The following MX1 variants were observed in gnomAD, a reference collection of about 807,000 sequenced individuals.
MX1 encodes the protein MX dynamin like GTPase 1.
In MX1, 66 loss-of-function variants were observed where a neutral mutation model predicts 66.4. The ratio of observed to expected loss-of-function variants is 0.99; its 90% CI spans 0.82 to 1.22. The LOEUF (loss-of-function observed/expected upper bound fraction) is 1.22, where lower values mean the gene tolerates loss of function less well. Among genes scored for constraint, MX1 ranks in the 50% most tolerant of loss-of-function variants. The pLI, the probability that MX1 is intolerant of heterozygous loss-of-function variation, is 0.00. For missense variants in MX1, 787 were observed against 834.3 expected (o/e 0.94, Z 0.70); for synonymous variants, 311 against 318.1 (o/e 0.98, Z 0.24).
intron 11 of MX1, among the ~76,000 whole-genome samples, chr21:41,444,318 C>CTTTTTTTT (rs11317486): frequency 3.9e-4 from 28 of 71,536 alleles, no homozygotes; most frequent in Admixed American, 6.0e-4. Flanking sequence ...TCTTTTCTTT[C>CTTTTTTTT]TTTTTTTTTT....
chr21:41,446,349 A>G (rs1352593709), intron 13 of MX1, among the ~76,000 whole-genome samples: 2 of 152,182 alleles, frequency 1.3e-5, no homozygotes, highest in African/African-American at 4.8e-5. Flanking sequence ...TAAGGGACGA[A>G]CAAGCTTCCT....
chr21:41,422,596 G>A (rs553363298), upstream of MX1, among the ~76,000 whole-genome samples: 68 of 152,238 alleles, frequency 4.5e-4, no homozygotes, highest in African/African-American at 1.6e-3. Context: ...GAAGTTGCCT[G>A]GAAGAAGAGA....
chr21:41,455,363 A>G (rs1468374132), intron 16 of MX1, among the ~76,000 whole-genome samples: 1 of 152,236 alleles, frequency 6.6e-6, no homozygotes, highest in Non-Finnish European at 1.5e-5. Context: ...GAAGACAGGC[A>G]TGCACATCAG....
chr21:41,456,948 G>A (rs1442078664), intron 16 of MX1, among the ~76,000 whole-genome samples: 1 of 152,182 alleles, frequency 6.6e-6, no homozygotes, highest in Non-Finnish European at 1.5e-5. Flanking sequence ...TTTCAGTAGA[G>A]ACGGGGTTTC....
At chr21:41,449,397 C>T (rs1373763676) in intron 14 of MX1, 102 bp downstream of exon 14, 1 of 1,220,404 alleles carries the variant, frequency 8.2e-7, no homozygotes, top group African/African-American at 1.5e-5. Flanking sequence ...GGGGTGCATC[C>T]CACACCAACG....
rs368326119 is a variant in MX1, at chr21:41,441,900, C to A, written c.915C>A (p.Asn305Lys). Residue 305 changes from asparagine to lysine, a missense_variant, in exon 10 of 17, where the codon AAC (asparagine) becomes AAA (lysine). Physicochemically the swap from Asn to Lys is moderately conservative, Grantham distance 94 (BLOSUM62 0). Coordinates refer to ENST00000398598, the MANE Select transcript of MX1 (RefSeq NM_002462.5). The surrounding 1 kb of genome is among the most constrained non-coding windows in gnomAD (Gnocchi z 4.0). ...ALQREKIFFE[N>K]HPYFRDLLEE... The stretch of plus-strand genomic sequence containing the variant: ...AGAGAGAGAAGATCTTCTTTGAGAA[C>A]CACCCATATTTCAGGTGCGCTTGCC... The A allele has an allele frequency of 2.3e-5, 37 of 1,614,104 alleles. No individual in the cohort carries two copies. Among genetic ancestry groups the A allele is most frequent in the African/African-American group, 1.2e-4 (9 of 75,000 alleles).
At chr21:41,445,655 A>T (rs469288) in intron 12 of MX1, 85 bp downstream of exon 12, 2 of 1,565,532 alleles carry the variant, frequency 1.3e-6, no homozygotes, top group Non-Finnish European at 8.7e-7. Context: ...TTCCTTCTTC[A>T]CTCCCCCAAG....
Position 41,435,939 on chromosome 21 carries a change from C to T in MX1, c.208C>T (p.Leu70=). The part of the protein sequence containing the change: ...RALGVEQDLA[L]PAIAVIGDQS... Reference sequence around the variant, plus strand: ...TCTAGGTGTGGAGCAGGACCTGGCCCTGCCAGCCATCGCCGTCATCGGGGA... The same window carrying T: ...TCTAGGTGTGGAGCAGGACCTGGCCTTGCCAGCCATCGCCGTCATCGGGGA... Residue 70 remains leucine (L), a synonymous_variant, in exon 6 of 17, where the codon CTG becomes TTG. Transcript: ENST00000398598. The T allele has an allele frequency of 1.2e-6, 2 of 1,614,222 alleles. No homozygotes were observed. The highest frequency in any genetic ancestry group is 1.7e-6 in the Non-Finnish European group (2 of 1,180,026).
At chr21:41,439,908 T>TGGGGGGGGGGGGGGGGG in intron 8 of MX1, 60 bp downstream of exon 8, 1 of 885,994 alleles carries the variant, frequency 1.1e-6, no homozygotes, top group Non-Finnish European at 1.7e-6. Context: ...AGTGGAGGGG[T>TGGGGGGGGGGGGGGGGG]GGGAGGAGAA....
At chr21:41,456,277 CAAAA>C (rs2090956903) in intron 16 of MX1, among the ~76,000 whole-genome samples, 2 of 152,008 alleles carry the variant, frequency 1.3e-5, no homozygotes, top group African/African-American at 4.8e-5. Context: ...CAAAACAAAA[CAAAA>C]AACAGAAGGA....
At chr21:41,450,777 T>A (rs34955673) in intron 14 of MX1, among the ~76,000 whole-genome samples, 52,278 of 151,742 alleles carry the variant, frequency 0.34, 10,009 homozygotes, top group African/African-American at 0.51. Context: ...AATTTTTTAA[T>A]CTAAGAGCTT....
intron 13 of MX1, among the ~76,000 whole-genome samples, chr21:41,448,825 A>T (rs1266551144): frequency 6.6e-6 from 1 of 152,004 alleles, no homozygotes; most frequent in African/African-American, 2.4e-5. Flanking sequence ...AATGAAAAAA[A>T]AGGGTCTTAC....
chr21:41,428,417 A>T (rs1345460393), intron 3 of MX1: 1 of 152,286 alleles, frequency 6.6e-6, no homozygotes, highest in East Asian at 1.9e-4. Flanking sequence ...GAGGCTCTGG[A>T]GGCCAGCCCA....
chr21:41,452,955 A>T, intron 16 of MX1, 86 bp downstream of exon 16: 1 of 1,510,814 alleles, frequency 6.6e-7, no homozygotes, highest in Non-Finnish European at 8.9e-7. Context: ...CTCTCTCTGT[A>T]GGTGACGTTG....
intron 16 of MX1, among the ~76,000 whole-genome samples, chr21:41,456,074 T>C (rs1345933621): frequency 1.3e-5 from 2 of 152,154 alleles, no homozygotes; most frequent in Non-Finnish European, 2.9e-5. Flanking sequence ...AAACCCGGTC[T>C]CTACTAAAAA....
At chr21:41,434,516 G>A (rs1040738113) in intron 5 of MX1, among the ~76,000 whole-genome samples, 6 of 151,964 alleles carry the variant, frequency 3.9e-5, no homozygotes, top group African/African-American at 1.2e-4. Flanking sequence ...TCTGTTCTTC[G>A]TTCCCCCTTT....
intron 16 of MX1, among the ~76,000 whole-genome samples, chr21:41,456,968 G>A (rs1045801232): frequency 6.6e-6 from 1 of 152,132 alleles, no homozygotes; most frequent in Non-Finnish European, 1.5e-5. Context: ...CACCATATTG[G>A]CCAGGCTGGT....
chr21:41,448,498 C>T (rs1377408815), intron 13 of MX1, among the ~76,000 whole-genome samples: 6 of 152,134 alleles, frequency 3.9e-5, no homozygotes, highest in South Asian at 2.1e-4. Flanking sequence ...ACTTCATACT[C>T]GAGTACGTTT....
At chr21:41,456,195 G>C (rs1287122429) in intron 16 of MX1, among the ~76,000 whole-genome samples, 2 of 152,202 alleles carry the variant, frequency 1.3e-5, no homozygotes, top group Admixed American at 1.3e-4. Context: ...AGTGAGCCAA[G>C]ATCACACCAC....
Sources: gnomAD v4.1 joint callset for allele counts (sites outside exome capture counted in the v4.1 genomes callset) on GRCh38, gnomAD v4.1.1 for gene constraint, Gnocchi (gnomAD v3.1) non-coding constraint, MANE v1.5 for transcripts, NCBI Gene and HGNC (gene_info 2026-07-23, HGNC 2026-07-21) for gene names.